Variants in NAV2 observed in about 807,000 individuals in gnomAD.
NAV2 encodes helicase, APC down-regulated 1.
In NAV2, 54 loss-of-function variants were observed where a neutral mutation model predicts 223.2. The observed-to-expected ratio is 0.24, with a 90% confidence interval of 0.19 to 0.30. NAV2 has a LOEUF of 0.30. NAV2 is among the 10% of genes least tolerant of loss of function. NAV2 has a pLI of 1.00. For synonymous variants in NAV2, 1,279 were observed against 1,239.3 expected (o/e 1.03, Z -0.67); for missense variants, 2,806 against 3,147.5 (o/e 0.89, Z 2.60).
At chr11:19,378,235 T>C (rs1238253144) in intron 1 of NAV2, among the ~76,000 whole-genome samples, 1 of 152,184 alleles carries the variant, frequency 6.6e-6, no homozygotes, top group African/African-American at 2.4e-5. Context: ...CAAGTTGCAA[T>C]GGACTTTCAG....
intron 11 of NAV2, among the ~76,000 whole-genome samples, chr11:19,990,101 C>T (rs907446060): frequency 1.3e-5 from 2 of 152,320 alleles, no homozygotes; most frequent in African/African-American, 4.8e-5. Context: ...GCACATGGAC[C>T]GTGCGAGTGG....
At chr11:19,986,929 T>A (rs916772498) in intron 11 of NAV2, among the ~76,000 whole-genome samples, 1 of 152,272 alleles carries the variant, frequency 6.6e-6, no homozygotes, top group Non-Finnish European at 1.5e-5. Context: ...TTACAAAATC[T>A]ATATTCTAAA....
chr11:19,782,467 T>G (rs1295915643), intron 1 of NAV2, among the ~76,000 whole-genome samples: 1 of 152,246 alleles, frequency 6.6e-6, no homozygotes, highest in Non-Finnish European at 1.5e-5. Context: ...TTTGGTGACC[T>G]GGCAGTGCTT....
At chr11:19,899,121 G>A (rs2042236854) in intron 6 of NAV2, among the ~76,000 whole-genome samples, 1 of 152,076 alleles carries the variant, frequency 6.6e-6, no homozygotes, top group South Asian at 2.1e-4. Flanking sequence ...TGATGGGAGC[G>A]CCATCCGTGA....
chr11:19,387,740 T>C (rs2133189583), intron 1 of NAV2, among the ~76,000 whole-genome samples: 1 of 152,320 alleles, frequency 6.6e-6, no homozygotes, highest in South Asian at 2.1e-4. Context: ...TCTGTAGTCA[T>C]TTGTTTTCTT....
chr11:19,886,795 C>G (rs990874757), intron 5 of NAV2, among the ~76,000 whole-genome samples: 1 of 152,146 alleles, frequency 6.6e-6, no homozygotes. Flanking sequence ...GCGTGTCAAC[C>G]CTGTCCTGAG....
chr11:19,358,631 T>A (rs1853756427), intron 1 of NAV2, among the ~76,000 whole-genome samples: 1 of 152,168 alleles, frequency 6.6e-6, no homozygotes, highest in Non-Finnish European at 1.5e-5. Context: ...CTTCATCTCT[T>A]GTGAAGCCAT....
At chr11:19,565,909 G>A (rs756653122) in intron 1 of NAV2, among the ~76,000 whole-genome samples, 23 of 152,310 alleles carry the variant, frequency 1.5e-4, no homozygotes, top group East Asian at 5.8e-4. Flanking sequence ...AAGAACTTGC[G>A]ACTTCGTGTT....
At chr11:19,983,402 A>C (rs7938890) in intron 10 of NAV2, among the ~76,000 whole-genome samples, 6,841 of 152,322 alleles carry the variant, frequency 0.045, 491 homozygotes, top group African/African-American at 0.15. Flanking sequence ...TGTTGTTCAG[A>C]GTTTTGTGGC....
chr11:19,946,577 G>A lies in NAV2; in HGVS notation c.2255+68G>A. ...TAATTTTCTCCTGTGTTTGTTCATA[G>A]CAGTAGCAAAGCGATTTGGTTATAA... On this transcript the variant is annotated intron_variant, in intron 9 of 37. Coordinates refer to ENST00000349880, the MANE Select transcript of NAV2 (RefSeq NM_145117.5). 4 of 1,362,208 alleles carry A rather than the reference G, an allele frequency of 2.9e-6. No individual in the cohort carries two copies. In the East Asian group the frequency reaches 7.5e-5, roughly 25 times the overall value. The allele number at this position is 1,362,208 out of a possible 1,614,324, so 84.4% of individuals were successfully genotyped here.
chr11:19,676,985 C>T lies in NAV2; in HGVS notation c.76-155499C>T, dbSNP rs182429112. ...GTGTGTGCATGTGTGAGTTTGTGGGCGCCTGTTAACCACACCAAGAGTGAA... is the reference window on the plus strand; with the variant it reads ...GTGTGTGCATGTGTGAGTTTGTGGGTGCCTGTTAACCACACCAAGAGTGAA... On this transcript the variant is annotated intron_variant, in intron 1 of 37. Coordinates refer to the NAV2 transcript ENST00000360655. Among the ~76,000 whole-genome samples, 204 of 152,224 alleles carry T rather than the reference C, an allele frequency of 1.3e-3. 1 individual carries two copies. Among genetic ancestry groups the T allele is most frequent in the Middle Eastern group, 3.4e-3 (1 of 294 alleles).
Position 19,893,436 on chromosome 11 carries a change from G to A in NAV2, c.931+842G>A, listed in dbSNP as rs113031110. On this transcript the variant is annotated intron_variant, in intron 6 of 37. Transcript: ENST00000349880. ...GTAGAAGATTCCTAGGGCTGTCTAC[G>A]TGGTGTTTCTCTATTTCCCTGACGT... 2.9e-3 allele frequency among the ~76,000 whole-genome samples: 447 copies of A among 152,148 alleles called. 4 individuals are homozygous for A. Among genetic ancestry groups the A allele is most frequent in the South Asian group, 7.5e-3 (36 of 4,814 alleles).
chr11:19,939,752 C>A lies in NAV2; in HGVS notation c.2125C>A (p.Pro709Thr), dbSNP rs371444762. Reference sequence around the variant, plus strand: ...CAGCCACTTCACCAAGACTGGACAGCCTGCTCTGGAAGAACTCACTGGTGA... The same window carrying A: ...CAGCCACTTCACCAAGACTGGACAGACTGCTCTGGAAGAACTCACTGGTGA... The part of the protein sequence containing the change: ...EPSHFTKTGQ[P>T]ALEELTGEDP... Residue 709 changes from proline (P) to threonine (T), a missense_variant, in exon 8 of 38, where the codon CCT (proline) becomes ACT (threonine). This residue lies in a region of NAV2 where 1,167 missense variants were observed against 1,180.5 expected (regional missense o/e 0.99). Transcript: ENST00000349880. The A allele has an allele frequency of 1.2e-6, 2 of 1,613,932 alleles. No individual in the cohort carries two copies. Among genetic ancestry groups the A allele is most frequent in the Non-Finnish European group, 8.5e-7 (1 of 1,179,878 alleles).
intron 10 of NAV2, among the ~76,000 whole-genome samples, chr11:19,954,201 G>A (rs557579814): frequency 2.2e-4 from 34 of 152,292 alleles, no homozygotes; most frequent in Middle Eastern, 3.4e-3. Flanking sequence ...TTAGGGCTAA[G>A]GATGTTGGCT....
intron 1 of NAV2, among the ~76,000 whole-genome samples, chr11:19,473,010 C>T (rs571648793): frequency 1.3e-5 from 2 of 152,212 alleles, no homozygotes; most frequent in Admixed American, 1.3e-4. Context: ...TCCATGGGAA[C>T]TTCCCAAGGC....
chr11:19,792,156 G>C (rs2057565940), intron 1 of NAV2, among the ~76,000 whole-genome samples: 1 of 152,208 alleles, frequency 6.6e-6, no homozygotes, highest in Admixed American at 6.5e-5. Flanking sequence ...ACTGACAGGA[G>C]ATCCTCTTTT....
chr11:19,782,024 G>A (rs1430002179), intron 1 of NAV2, among the ~76,000 whole-genome samples: 1 of 151,990 alleles, frequency 6.6e-6, no homozygotes. Flanking sequence ...AGAAAACAAC[G>A]GTCATTTCCA....
chr11:19,906,138 T>G (rs1275676739), intron 6 of NAV2, among the ~76,000 whole-genome samples: 2 of 152,200 alleles, frequency 1.3e-5, no homozygotes, highest in Non-Finnish European at 2.9e-5. Context: ...CTGGCTGGTC[T>G]GTAATGGCCT....
At position 19,925,547 on chromosome 11, in the gene NAV2, G is replaced by A. The variant is rs557622416; in HGVS notation, c.932-7629G>A. ...GGGTAGATCACGAGGTCAGGGGTTC[G>A]AGACCAACCCGGCCAATGTGGTGAA... On this transcript the variant is annotated intron_variant, in intron 6 of 37. Transcript: ENST00000349880. Among the ~76,000 whole-genome samples the A allele has an allele frequency of 9.2e-5, 14 of 152,134 alleles. No homozygotes were observed. In the East Asian group the frequency reaches 1.9e-3, roughly 21 times the overall value.
Sources: allele counts gnomAD v4.1 joint callset (sites outside exome capture counted in the v4.1 genomes callset), GRCh38; gene constraint gnomAD v4.1.1; regional missense constraint gnomAD v4.1.1; transcripts MANE v1.5; gene names NCBI Gene and HGNC (gene_info 2026-07-23, HGNC 2026-07-21).